Variants in EPHA6 observed in about 807,000 individuals in gnomAD.
EPHA6 encodes EPH receptor A6, also known as ephrin type-A receptor 6.
In EPHA6, 50 loss-of-function variants were observed where a neutral mutation model predicts 112.0. The ratio of observed to expected loss-of-function variants is 0.45; its 90% CI spans 0.36 to 0.56. The LOEUF is 0.56. EPHA6 is among the 20% of genes least tolerant of loss of function. EPHA6 has a pLI of 0.00. For synonymous variants in EPHA6, 529 were observed against 490.7 expected (o/e 1.08, Z -1.03); for missense variants, 1,280 against 1,417.4 (o/e 0.90, Z 1.56).
intron 12 of EPHA6, among the ~76,000 whole-genome samples, chr3:97,603,213 A>G (rs769733537): frequency 9.9e-5 from 15 of 151,936 alleles, no homozygotes; most frequent in Non-Finnish European, 1.9e-4. Context: ...TTAAGAAGAA[A>G]CCTTTTTTCC....
chr3:97,526,539 A>G (rs903470062), intron 10 of EPHA6, among the ~76,000 whole-genome samples: 1 of 152,174 alleles, frequency 6.6e-6, no homozygotes, highest in African/African-American at 2.4e-5. Context: ...CATAGACTGC[A>G]TCTGAGAGGG....
intron 17 of EPHA6, 48 bp from the exon 18 acceptor site, chr3:97,748,537 CTT>C (rs745599770): frequency 4.7e-5 from 40 of 859,942 alleles, no homozygotes; most frequent in Non-Finnish European, 6.7e-5. Context: ...CTCTCTCTCT[CTT>C]TCTTGCTCTC....
intron 11 of EPHA6, among the ~76,000 whole-genome samples, chr3:97,586,560 G>A (rs1395789311): frequency 6.6e-6 from 1 of 152,022 alleles, no homozygotes; most frequent in Non-Finnish European, 1.5e-5. Flanking sequence ...AAAAGAGAGA[G>A]GCATGTAGGA....
intron 11 of EPHA6, among the ~76,000 whole-genome samples, chr3:97,589,871 ACTTTTTAG>A (rs1470082562): frequency 2.0e-5 from 3 of 152,218 alleles, no homozygotes. Context: ...GATTTCATTT[ACTTTTTAG>A]CTACAATATC....
At position 97,219,112 on chromosome 3, in the gene EPHA6, G is replaced by A. The variant is rs926218265; in HGVS notation, c.1115-7152G>A. On this transcript the variant is annotated intron_variant, in intron 3 of 17. Transcript: ENST00000389672. ...CAGATCTACCCCTGTGGCTTTGCAG[G>A]GTACAGCTCCACTCCTGGCTGCTTT... Among the ~76,000 whole-genome samples the A allele has an allele frequency of 2.6e-5, 4 of 152,224 alleles. No individual in the cohort carries two copies. In the South Asian group the frequency reaches 6.2e-4, roughly 24 times the overall value.
intron 5 of EPHA6, among the ~76,000 whole-genome samples, chr3:97,246,612 A>C (rs1444443659): frequency 4.0e-5 from 6 of 151,692 alleles, no homozygotes; most frequent in African/African-American, 1.4e-4. Flanking sequence ...GATTATTGTT[A>C]ATTTAATTTG....
At chr3:97,062,588 C>T (rs776035960) in intron 3 of EPHA6, among the ~76,000 whole-genome samples, 3 of 152,096 alleles carry the variant, frequency 2.0e-5, no homozygotes, top group Non-Finnish European at 4.4e-5. Flanking sequence ...CTATAATTCC[C>T]ATGTGTTGTG....
At chr3:97,148,925 G>A (rs2076105086) in intron 3 of EPHA6, among the ~76,000 whole-genome samples, 1 of 152,072 alleles carries the variant, frequency 6.6e-6, no homozygotes, top group Non-Finnish European at 1.5e-5. Flanking sequence ...GAGGGCAAAT[G>A]TCAGAGTAGC....
intron 2 of EPHA6, among the ~76,000 whole-genome samples, chr3:96,912,624 G>A (rs1194564638): frequency 6.6e-6 from 1 of 152,134 alleles, no homozygotes; most frequent in Non-Finnish European, 1.5e-5. Flanking sequence ...GGTTCACTCT[G>A]TCGTTCAGGC....
chr3:97,569,381 A>G (rs1470841524), intron 11 of EPHA6, among the ~76,000 whole-genome samples: 1 of 152,186 alleles, frequency 6.6e-6, no homozygotes, highest in Non-Finnish European at 1.5e-5. Flanking sequence ...CAGTCTCCCA[A>G]TGAAGTATTT....
chr3:97,048,523 T>G (rs773166669), intron 3 of EPHA6, among the ~76,000 whole-genome samples: 7 of 152,182 alleles, frequency 4.6e-5, no homozygotes, highest in Non-Finnish European at 1.0e-4. Context: ...TGCAGGAGAA[T>G]GTATGATGTA....
At chr3:97,526,489 G>T (rs867981954) in intron 10 of EPHA6, among the ~76,000 whole-genome samples, 110 of 152,262 alleles carry the variant, frequency 7.2e-4, no homozygotes, top group African/African-American at 2.6e-3. Flanking sequence ...GCAGTGGGGG[G>T]GTGAGAACCC....
rs990585703 is a variant in EPHA6 at position 96,815,073 on chromosome 3, C to T, written c.385+65C>T. Reference sequence around the variant, plus strand: ...GGAGGGTGCTTGGAGAACCAGGGTACTGGTTGCCTCCTGCAGGTAACTTTG... The same window carrying T: ...GGAGGGTGCTTGGAGAACCAGGGTATTGGTTGCCTCCTGCAGGTAACTTTG... On this transcript the variant is annotated intron_variant, in intron 1 of 17. Transcript: ENST00000389672. 5.6e-6 allele frequency: 8 copies of T among 1,427,126 alleles called. No homozygotes were observed. In the South Asian group the frequency reaches 5.9e-5, roughly 11 times the overall value. 88.4% of individuals were successfully genotyped at this position (1,427,126 alleles called of 1,614,324 possible). A position where few individuals can be genotyped will look rare whatever the true frequency, so the allele number is the denominator to read the frequency against.
At chr3:97,191,574 T>G (rs2077306621) in intron 3 of EPHA6, among the ~76,000 whole-genome samples, 1 of 152,076 alleles carries the variant, frequency 6.6e-6, no homozygotes, top group African/African-American at 2.4e-5. Context: ...ATGCCAAATT[T>G]GACTATCTGT....
chr3:97,264,907 G>A (rs1373480512), intron 5 of EPHA6, among the ~76,000 whole-genome samples: 1 of 152,150 alleles, frequency 6.6e-6, no homozygotes, highest in South Asian at 2.1e-4. Flanking sequence ...TGCTAGGCAG[G>A]TCATCCCAAA....
intron 5 of EPHA6, among the ~76,000 whole-genome samples, chr3:97,258,360 C>T (rs758214458): frequency 6.6e-6 from 1 of 151,892 alleles, no homozygotes; most frequent in African/African-American, 2.4e-5. Context: ...TGTTATGATA[C>T]TTTTGCCCCT....
At position 97,749,524 on chromosome 3, in the gene EPHA6, A is replaced by G. The variant is rs182260211; in HGVS notation, c.*823A>G. ...TCCTGGAAAGACCAAGGGTGACTTC[A>G]TTGATCTAATGGCTTTCATAGAGAA... On this transcript the variant is annotated 3_prime_UTR_variant, in exon 18 of 18. Transcript: ENST00000389672. Among the ~76,000 whole-genome samples, 975 of 152,256 alleles carry G rather than the reference A, an allele frequency of 6.4e-3. 6 individuals carry two copies. Among genetic ancestry groups the G allele is most frequent in the Non-Finnish European group, 9.1e-3 (619 of 68,012 alleles).
intron 5 of EPHA6, among the ~76,000 whole-genome samples, chr3:97,367,695 T>A (rs761426305): frequency 3.3e-5 from 5 of 152,100 alleles, no homozygotes; most frequent in Non-Finnish European, 7.4e-5. Context: ...AATTTGAATA[T>A]ACTATTTCAT....
chr3:97,551,617 G>A (rs1268494456), intron 11 of EPHA6, among the ~76,000 whole-genome samples: 1 of 152,066 alleles, frequency 6.6e-6, no homozygotes, highest in Admixed American at 6.6e-5. Flanking sequence ...TATATAACAT[G>A]CTGTTGTGTT....
Sources: gnomAD v4.1 joint callset for allele counts (sites outside exome capture counted in the v4.1 genomes callset) on GRCh38, gnomAD v4.1.1 for gene constraint, MANE v1.5 for transcripts, NCBI Gene and HGNC (gene_info 2026-07-23, HGNC 2026-07-21) for gene names.